UPP2: variants seen among roughly 807,000 people sequenced by gnomAD.
UPP2 encodes the protein uridine phosphorylase 2.
UPP2 carries 23 observed loss-of-function variants against 26.7 expected under a neutral mutation model. The observed-to-expected ratio is 0.86, with a 90% CI of 0.62 to 1.22. The LOEUF is 1.22. UPP2 is among the 50% of genes most tolerant of loss of function. UPP2 has a pLI of 0.00. For missense variants in UPP2, 387 were observed against 396.7 expected (o/e 0.98, Z 0.21); for synonymous variants, 127 against 141.3 (o/e 0.90, Z 0.72).
chr2:158,127,709 C>T (rs1683724556), intron 6 of UPP2, among the ~76,000 whole-genome samples: 1 of 152,204 alleles, frequency 6.6e-6, no homozygotes, highest in African/African-American at 2.4e-5. Context: ...GGTGGACAAA[C>T]TACCTATAAT....
chr2:158,045,349 C>A (rs371574055), intron 3 of UPP2, among the ~76,000 whole-genome samples: 1 of 152,254 alleles, frequency 6.6e-6, no homozygotes, highest in African/African-American at 2.4e-5. Context: ...CCCTTTCTAG[C>A]CTGAAGCACG....
intron 4 of UPP2, among the ~76,000 whole-genome samples, chr2:158,118,635 T>A (rs1211202046): frequency 6.6e-6 from 1 of 152,028 alleles, no homozygotes; most frequent in Non-Finnish European, 1.5e-5. Context: ...CAGGGTATGA[T>A]TTTACCATGT....
upstream of UPP2, among the ~76,000 whole-genome samples, chr2:158,097,020 T>A (rs939415876): frequency 1.3e-5 from 2 of 152,122 alleles, no homozygotes; most frequent in African/African-American, 2.4e-5. Flanking sequence ...GAAAAGAACA[T>A]GTTAAATTTT....
chr2:158,106,353 C>T (rs1437416510), intron 2 of UPP2, 137 bp downstream of exon 2: 10 of 688,460 alleles, frequency 1.5e-5, no homozygotes, highest in Non-Finnish European at 1.7e-5. Context: ...TTCTCTGAAA[C>T]AATTTGGAAT....
rs374913955 is a variant in UPP2 at position 158,068,555 on chromosome 2, G to A, written c.148-33485G>A. Among the ~76,000 whole-genome samples the A allele has an allele frequency of 4.7e-4, 71 of 151,590 alleles. 1 individual carries two copies. In the South Asian group the frequency reaches 0.014, roughly 30 times the overall value. ...TGTTCTGTTTGACTATGACAGAGAC[G>A]GGGGCAGGGGCAGAAGTAGCCATTT... is the stretch of plus-strand genomic sequence containing the variant. On this transcript the variant is annotated intron_variant, in intron 3 of 9. Transcript: ENST00000605860.
chr2:158,116,855 G>T (rs1038259447), intron 3 of UPP2, among the ~76,000 whole-genome samples: 3 of 149,224 alleles, frequency 2.0e-5, no homozygotes, highest in Non-Finnish European at 4.6e-5. Context: ...GCTCCAGGAT[G>T]CTTACTAAAC....
chr2:158,056,353 A>T (rs1288987974), intron 3 of UPP2, among the ~76,000 whole-genome samples: 2 of 151,918 alleles, frequency 1.3e-5, no homozygotes, highest in Admixed American at 1.3e-4. Flanking sequence ...TAGTGGAAAC[A>T]TTATTATTGA....
intron 3 of UPP2, among the ~76,000 whole-genome samples, chr2:158,084,004 C>A (rs866980439): frequency 5.3e-5 from 8 of 151,410 alleles, no homozygotes; most frequent in Non-Finnish European, 1.0e-4. Flanking sequence ...ATAATGACTT[C>A]TTTTCCTCTG....
At chr2:158,054,873 G>A (rs529952160) in intron 3 of UPP2, among the ~76,000 whole-genome samples, 1 of 152,028 alleles carries the variant, frequency 6.6e-6, no homozygotes, top group South Asian at 2.1e-4. Flanking sequence ...AATTCACAGT[G>A]TTGTGAATTA....
chr2:158,068,515 T>A (rs938734797), intron 3 of UPP2, among the ~76,000 whole-genome samples: 73 of 151,984 alleles, frequency 4.8e-4, no homozygotes, highest in African/African-American at 1.6e-3. Context: ...AAAGTTTATG[T>A]ATTACCTCCC....
chr2:158,084,546 T>C (rs930693320), intron 3 of UPP2, among the ~76,000 whole-genome samples: 1 of 152,192 alleles, frequency 6.6e-6, no homozygotes, highest in Non-Finnish European at 1.5e-5. Flanking sequence ...GCTTTCGGGT[T>C]CTTGGTCAAG....
intron 2 of UPP2, among the ~76,000 whole-genome samples, chr2:158,113,179 A>G (rs1683355155): frequency 6.6e-6 from 1 of 152,204 alleles, no homozygotes; most frequent in South Asian, 2.1e-4. Flanking sequence ...GATTATAGCA[A>G]TATCTACAGT....
intron 2 of UPP2, among the ~76,000 whole-genome samples, chr2:158,113,589 T>C (rs965797431): frequency 2.6e-5 from 4 of 152,134 alleles, no homozygotes; most frequent in Admixed American, 6.6e-5. Context: ...ACACCCCTAA[T>C]TGAGAAAGAG....
chr2:158,066,822 G>A (rs1271446246), intron 3 of UPP2, among the ~76,000 whole-genome samples: 1 of 151,968 alleles, frequency 6.6e-6, no homozygotes, highest in Non-Finnish European at 1.5e-5. Flanking sequence ...TCACAGGCAG[G>A]GACTGAGAAA....
chr2:158,013,565 A>G (rs936278804), intron 2 of UPP2, among the ~76,000 whole-genome samples: 3 of 152,230 alleles, frequency 2.0e-5, no homozygotes, highest in Non-Finnish European at 2.9e-5. Context: ...AAATGTAAAC[A>G]GAAGCAAAAC....
chr2:158,036,364 C>T (rs141856999), intron 3 of UPP2, among the ~76,000 whole-genome samples: 24 of 152,260 alleles, frequency 1.6e-4, no homozygotes, highest in East Asian at 3.9e-4. Flanking sequence ...ACTGTACCCC[C>T]GAGCGCTTGG....
At chr2:158,069,933 A>G (rs1682511352) in intron 3 of UPP2, among the ~76,000 whole-genome samples, 1 of 152,034 alleles carries the variant, frequency 6.6e-6, no homozygotes, top group Admixed American at 6.5e-5. Context: ...TCACATGGAG[A>G]ACTCTCTGGG....
At chr2:158,069,101 T>C (rs530991423) in intron 3 of UPP2, among the ~76,000 whole-genome samples, 1 of 151,696 alleles carries the variant, frequency 6.6e-6, no homozygotes, top group Non-Finnish European at 1.5e-5. Context: ...ACGATCAAAC[T>C]CAAAATTTTA....
intron 3 of UPP2, among the ~76,000 whole-genome samples, chr2:158,040,990 T>C (rs1404062538): frequency 1.3e-5 from 2 of 152,350 alleles, no homozygotes; most frequent in East Asian, 3.9e-4. Context: ...TTTGTAATAC[T>C]GTTCAAATCA....
Sources: allele counts gnomAD v4.1 joint callset (sites outside exome capture counted in the v4.1 genomes callset), GRCh38; gene constraint gnomAD v4.1.1; transcripts MANE v1.5; gene names NCBI Gene and HGNC (gene_info 2026-07-23, HGNC 2026-07-21).